The following SLC6A9 variants were observed in gnomAD, a reference collection of about 807,000 sequenced individuals.
SLC6A9 encodes sodium- and chloride-dependent glycine transporter 1.
SLC6A9 carries 31 observed loss-of-function variants against 70.9 expected under a neutral mutation model. That is an observed-to-expected ratio of 0.44 (90% CI 0.33 to 0.59). The LOEUF (loss-of-function observed/expected upper bound fraction) is 0.59. Among genes scored for constraint, SLC6A9 ranks in the 20% least tolerant of loss-of-function variants. The pLI, the probability that SLC6A9 is intolerant of heterozygous loss-of-function variation, is 0.04. For synonymous variants in SLC6A9, 310 were observed against 341.3 expected, an observed-to-expected ratio of 0.91 and a Z score of 1.01; for missense variants, 631 against 845.2, an observed-to-expected ratio of 0.75 and a Z score of 3.14.
chr1:44,016,736 G>A (rs2086757598), intron 2 of SLC6A9, among the ~76,000 whole-genome samples: 1 of 152,008 alleles, frequency 6.6e-6, no homozygotes, highest in Non-Finnish European at 1.5e-5. Flanking sequence ...GGGCACCTCC[G>A]GCCCGTCTCC....
intron 2 of SLC6A9, among the ~76,000 whole-genome samples, chr1:44,015,614 G>T (rs1017069226): frequency 2.2e-4 from 33 of 152,210 alleles, no homozygotes; most frequent in African/African-American, 6.8e-4. Flanking sequence ...ACAGTAAATT[G>T]TGGCTGCCTC....
At chr1:44,016,408 G>A (rs2086743719) in intron 2 of SLC6A9, 1 of 152,596 alleles carries the variant, frequency 6.6e-6, no homozygotes, top group African/African-American at 2.4e-5. Flanking sequence ...TGAAGGTCAA[G>A]TCAGGATGTC....
chr1:44,022,402 G>A (rs769576980), intron 2 of SLC6A9, among the ~76,000 whole-genome samples: 6 of 152,206 alleles, frequency 3.9e-5, no homozygotes, highest in Non-Finnish European at 8.8e-5. Flanking sequence ...TCCAGGAAAG[G>A]TGGGGCCATG....
At chr1:43,999,075 T>C (rs560680793) in intron 12 of SLC6A9, among the ~76,000 whole-genome samples, 84 of 151,792 alleles carry the variant, frequency 5.5e-4, no homozygotes, top group African/African-American at 1.6e-3. Flanking sequence ...CACATCCAAA[T>C]TGGGGGACCC....
Position 44,002,702 on chromosome 1 carries a change from C to T in SLC6A9, c.724-56G>A, listed in dbSNP as rs1430326710. 2 of 1,604,850 alleles carry T rather than the reference C, an allele frequency of 1.2e-6. No individual in the cohort carries two copies. Among genetic ancestry groups the T allele is most frequent in the Non-Finnish European group, 8.5e-7 (1 of 1,174,954 alleles). On this transcript the variant is annotated intron_variant, in intron 6 of 13. Transcript: ENST00000372310. This position sits in a 1 kb window ranked among gnomAD's most constrained non-coding sequence, Gnocchi z 5.5. ...GGGCTCTCCCCTCCCCTGGGCACCA[C>T]CACCCTGGCTCCCTAATCACCACCA...
chr1:44,010,615 C>G, intron 3 of SLC6A9, 111 bp downstream of exon 3: 1 of 1,129,876 alleles, frequency 8.9e-7, no homozygotes, highest in Non-Finnish European at 1.3e-6. Flanking sequence ...AGGCCAGGGC[C>G]AGAGGCCAGC....
At chr1:44,017,085 C>T (rs781002911) in intron 2 of SLC6A9, 152 of 1,604,342 alleles carry the variant, frequency 9.5e-5, no homozygotes, top group Non-Finnish European at 1.2e-4. Context: ...CCATGAGCCG[C>T]GGCCATCCTG....
In SLC6A9 at chr1:44,018,463, A is replaced by G. The variant is rs1426520914; in HGVS notation, c.30+5785T>C. Among the ~76,000 whole-genome samples the G allele has an allele frequency of 1.3e-5, 2 of 151,972 alleles. No homozygotes were observed. Among genetic ancestry groups the G allele is most frequent in the South Asian group, 4.1e-4 (2 of 4,820 alleles). On this transcript the variant is annotated intron_variant, in intron 2 of 13. Coordinates refer to ENST00000372310, the MANE Select transcript of SLC6A9 (RefSeq NM_001024845.3). This position sits in a 1 kb window ranked among gnomAD's most constrained non-coding sequence, Gnocchi z 4.2. ...TACAAAATTAGCTGGGCGTGGTGGCACATGCCTGTAATCCCAGCTACTCGG... is the reference window on the plus strand; with the variant it reads ...TACAAAATTAGCTGGGCGTGGTGGCGCATGCCTGTAATCCCAGCTACTCGG...
intron 1 of SLC6A9, among the ~76,000 whole-genome samples, chr1:44,029,057 G>A (rs2087041594): frequency 6.6e-6 from 1 of 152,200 alleles, no homozygotes. Context: ...CTGCAGGTTT[G>A]GTGCGGGGAC....
chr1:44,030,925 C>G (rs1383359785), intron 1 of SLC6A9, among the ~76,000 whole-genome samples: 1 of 152,134 alleles, frequency 6.6e-6, no homozygotes, highest in African/African-American at 2.4e-5. Context: ...GACAGTGCCA[C>G]GCTCTGGCTC....
At chr1:44,011,591 G>A (rs1427145878) in intron 2 of SLC6A9, 6 of 1,613,986 alleles carry the variant, frequency 3.7e-6, no homozygotes, top group Non-Finnish European at 4.2e-6. Context: ...GCTGGGCCAT[G>A]AGTTGGGGAA....
rs1217826036 is a variant in SLC6A9, at chr1:44,002,424, G to T, written c.859-8C>A. On this transcript the variant is annotated splice_region_variant and splice_polypyrimidine_tract_variant and intron_variant, in intron 7 of 13. Coordinates refer to ENST00000372310, the MANE Select transcript of SLC6A9 (RefSeq NM_001024845.3). This position sits in a 1 kb window ranked among gnomAD's most constrained non-coding sequence, Gnocchi z 5.5. ...GGCAGCATCACCCCACACCTGCAGG[G>T]AAGGACCGGTGGGTGAGGAGCTGTG... 6.2e-7 allele frequency: 1 copy of T among 1,613,530 alleles called. No homozygotes were observed. The highest frequency in any genetic ancestry group is 1.7e-5 in the Admixed American group (1 of 59,996).
chr1:44,003,023 C>T lies in SLC6A9; in HGVS notation c.591-38G>A, dbSNP rs202144319. On this transcript the variant is annotated intron_variant, in intron 5 of 13. Transcript: ENST00000372310. ...GACTCTGTCACTGAGGGCCAGCCGC[C>T]GCTGCCCAGCAACAAATTCCCAAGG... is the stretch of plus-strand genomic sequence containing the variant. 8.3e-5 allele frequency: 133 copies of T among 1,611,572 alleles called. No homozygotes were observed. In the East Asian group the frequency reaches 1.3e-3, roughly 16 times the overall value.
chr1:44,014,446 T>C (rs1199325867), intron 2 of SLC6A9, among the ~76,000 whole-genome samples: 1 of 151,634 alleles, frequency 6.6e-6, no homozygotes, highest in African/African-American at 2.4e-5. Context: ...GGCTGACACA[T>C]ATACACCCAT....
At chr1:44,000,717 ACAT>A in intron 12 of SLC6A9, 47 bp downstream of exon 12, 1 of 1,229,500 alleles carries the variant, frequency 8.1e-7, no homozygotes, top group Non-Finnish European at 1.2e-6. Context: ...AGAGATGGAC[ACAT>A]GGCCAAGGGG....
chr1:44,026,640 C>G (rs181496310), intron 1 of SLC6A9, among the ~76,000 whole-genome samples: 45 of 148,472 alleles, frequency 3.0e-4, no homozygotes, highest in African/African-American at 1.1e-3. Flanking sequence ...GCCTGGGCGA[C>G]AGAGCAAGAC....
chr1:44,010,164 A>G, intron 3 of SLC6A9, 68 bp from the exon 4 acceptor site: 3 of 1,569,358 alleles, frequency 1.9e-6, no homozygotes, highest in Admixed American at 3.4e-5. Context: ...CTTCCTGCTC[A>G]GAACTCAACA....
At chr1:44,012,321 G>A (rs1417318447) in intron 2 of SLC6A9, among the ~76,000 whole-genome samples, 2 of 152,222 alleles carry the variant, frequency 1.3e-5, no homozygotes, top group East Asian at 3.9e-4. Context: ...GGCAAAGGAG[G>A]CACCAAGGCC....
intron 2 of SLC6A9, chr1:44,017,102 G>A (rs1360433953): frequency 6.2e-7 from 1 of 1,605,704 alleles, no homozygotes; most frequent in Non-Finnish European, 8.5e-7. Flanking sequence ...CCTGGGGCGA[G>A]CGATCGCAGC....
Sources: allele counts gnomAD v4.1 joint callset (sites outside exome capture counted in the v4.1 genomes callset), GRCh38; gene constraint gnomAD v4.1.1; non-coding constraint Gnocchi (gnomAD v3.1); transcripts MANE v1.5; gene names NCBI Gene and HGNC (gene_info 2026-07-23, HGNC 2026-07-21).